DMD: variants seen among roughly 807,000 people sequenced by gnomAD.
DMD encodes the protein mutant dystrophin.
In DMD, 63 loss-of-function variants were observed where a neutral mutation model predicts 330.1. That is an observed-to-expected ratio of 0.19 (90% confidence interval 0.16 to 0.24). The LOEUF is 0.24. Among genes scored for constraint, DMD ranks in the 10% least tolerant of loss-of-function variants. The pLI is 1.00. For synonymous variants in DMD, 1,223 were observed against 959.8 expected (o/e 1.27, Z -5.07); for missense variants, 3,344 against 2,684.1 (o/e 1.25, Z -5.43).
In DMD at chrX:32,491,297, T is replaced by G; in HGVS notation, c.2602A>C (p.Ser868Arg). ...TTPSEPTAIK[S>R]QLKICKDEVN... Reference sequence around the variant, plus strand: ...CTTACCTTACAAATTTTTAACTGACTTTTAATTGCTGTTGGCTCTGATGGG... The same window carrying G: ...CTTACCTTACAAATTTTTAACTGACGTTTAATTGCTGTTGGCTCTGATGGG... The change falls in exon 20 of 79, where the codon AGT becomes CGT. Residue 868 changes from serine to arginine, a missense_variant. Ser to Arg is a moderately radical substitution (Grantham distance 110). Coordinates refer to ENST00000357033, the MANE Select transcript of DMD (RefSeq NM_004006.3). 1 of 1,211,951 alleles carries G rather than the reference T, an allele frequency of 8.3e-7. No individual in the cohort carries two copies. The highest frequency in any genetic ancestry group is 1.7e-5 in the African/African-American group (1 of 57,879).
intron 52 of DMD, among the ~76,000 whole-genome samples, chrX:31,718,990 C>T (rs1206057387): frequency 9.0e-6 from 1 of 111,538 alleles, no homozygotes; most frequent in African/African-American, 3.3e-5. Flanking sequence ...AGTGCTTGGA[C>T]CAAGTGCTCT....
intron 1 of DMD, among the ~76,000 whole-genome samples, chrX:33,308,435 T>TA (rs938856665): frequency 1.8e-5 from 2 of 112,330 alleles, no homozygotes; most frequent in Non-Finnish European, 3.8e-5. Flanking sequence ...TAACTTTAAA[T>TA]AAAGTAAAAA....
intron 1 of DMD, among the ~76,000 whole-genome samples, chrX:33,134,529 C>A (rs756498523): frequency 9.0e-6 from 1 of 111,572 alleles, no homozygotes; most frequent in Non-Finnish European, 1.9e-5. Flanking sequence ...TTCAACACCT[C>A]ACAGTGACCA....
chrX:33,120,515 C>A (rs746445144), intron 1 of DMD, among the ~76,000 whole-genome samples: 3 of 110,423 alleles, frequency 2.7e-5, no homozygotes, highest in Non-Finnish European at 3.8e-5. Flanking sequence ...AAGAAATATG[C>A]GGCAGAACAT....
At chrX:33,298,148 A>G (rs1021797924) in intron 1 of DMD, among the ~76,000 whole-genome samples, 1 of 111,347 alleles carries the variant, frequency 9.0e-6, no homozygotes, top group Non-Finnish European at 1.9e-5. Flanking sequence ...GGACAAACTG[A>G]TATTTAGCCA....
At chrX:32,466,404 A>G (rs992696380) in intron 23 of DMD, among the ~76,000 whole-genome samples, 7 of 111,463 alleles carry the variant, frequency 6.3e-5, no homozygotes, top group African/African-American at 2.3e-4. Context: ...CTTCCTGCCT[A>G]CTGTGACAAC....
chrX:32,411,717 C>A, intron 30 of DMD, 35 bp downstream of exon 30: 1 of 1,205,522 alleles, frequency 8.3e-7, no homozygotes, highest in Non-Finnish European at 1.1e-6. Flanking sequence ...GTAATAAAAA[C>A]AAAAGAATGG....
At chrX:31,364,743 A>G (rs1280330314) in intron 60 of DMD, among the ~76,000 whole-genome samples, 3 of 111,360 alleles carry the variant, frequency 2.7e-5, no homozygotes, top group Non-Finnish European at 5.6e-5. Context: ...GAATGATTTT[A>G]CCAACTGCGG....
intron 15 of DMD, among the ~76,000 whole-genome samples, chrX:32,570,435 T>C (rs142170536): frequency 0.012 from 1,343 of 112,013 alleles, 22 homozygotes; most frequent in African/African-American, 0.042. Flanking sequence ...TAACACAAAT[T>C]TTAATCCTAT....
At chrX:32,743,861 C>G (rs1451279840) in intron 7 of DMD, among the ~76,000 whole-genome samples, 2 of 111,296 alleles carry the variant, frequency 1.8e-5, no homozygotes, top group East Asian at 5.6e-4. Flanking sequence ...TCCAATGTAG[C>G]TCTTTTTCAA....
Position 32,131,514 on chromosome X carries a change from T to C in DMD, c.6438+85402A>G, listed in dbSNP as rs182258964. Among the ~76,000 whole-genome samples, 54 of 111,925 alleles carry C rather than the reference T, an allele frequency of 4.8e-4. No individual in the cohort carries two copies. The Admixed American group carries it at 4.9e-3, about 10-fold the overall frequency. ...TACATGCCTGTCTAGCCAAATAAAA[T>C]GAATTTGGACACATTGTGATGGAGC... On this transcript the variant is annotated intron_variant, in intron 44 of 78. Coordinates refer to ENST00000357033, the MANE Select transcript of DMD (RefSeq NM_004006.3).
At chrX:32,044,992 G>A (rs186706043) in intron 44 of DMD, among the ~76,000 whole-genome samples, 122 of 111,260 alleles carry the variant, frequency 1.1e-3, no homozygotes, top group African/African-American at 3.8e-3. Context: ...TTGGTGGTGG[G>A]GCCTGGCGGG....
intron 1 of DMD, among the ~76,000 whole-genome samples, chrX:33,047,221 G>A (rs2094395338): frequency 1.8e-5 from 2 of 112,177 alleles, no homozygotes; most frequent in Non-Finnish European, 3.8e-5. Context: ...ATCACTGATC[G>A]TGTTGCTGAC....
intron 60 of DMD, among the ~76,000 whole-genome samples, chrX:31,412,843 C>T (rs775013439): frequency 1.5e-3 from 173 of 111,955 alleles, no homozygotes; most frequent in Non-Finnish European, 2.6e-3. Context: ...ACAACTCTAA[C>T]GTTTACATTT....
chrX:32,127,585 AG>A (rs2096667932), intron 44 of DMD, among the ~76,000 whole-genome samples: 1 of 111,700 alleles, frequency 9.0e-6, no homozygotes, highest in Admixed American at 9.6e-5. Flanking sequence ...TGCACAAATT[AG>A]AATGGATCTC....
intron 41 of DMD, among the ~76,000 whole-genome samples, chrX:32,331,529 T>A (rs2097679789): frequency 9.0e-6 from 1 of 111,721 alleles, no homozygotes; most frequent in Non-Finnish European, 1.9e-5. Context: ...TCCTGAAGAA[T>A]GTGCTAAATT....
chrX:32,292,019 A>C (rs1382614330), intron 42 of DMD, among the ~76,000 whole-genome samples: 2 of 111,153 alleles, frequency 1.8e-5, no homozygotes, highest in Admixed American at 9.6e-5. Flanking sequence ...TTCCAAAAAT[A>C]ATAGACCTAG....
chrX:33,157,522 C>T (rs917502806), intron 1 of DMD, among the ~76,000 whole-genome samples: 5 of 112,076 alleles, frequency 4.5e-5, no homozygotes, highest in Non-Finnish European at 5.6e-5. Context: ...ACTATCTAAC[C>T]CAGTGCACGT....
chrX:32,733,862 G>T (rs1224059384), intron 7 of DMD, among the ~76,000 whole-genome samples: 2 of 102,475 alleles, frequency 2.0e-5, no homozygotes, highest in Non-Finnish European at 4.0e-5. Flanking sequence ...AACTAGAAAA[G>T]CAAGAGCAAA....
Sources: allele counts gnomAD v4.1 joint callset (sites outside exome capture counted in the v4.1 genomes callset), GRCh38; gene constraint gnomAD v4.1.1; transcripts MANE v1.5; gene names NCBI Gene and HGNC (gene_info 2026-07-23, HGNC 2026-07-21).